The following PLXNA4 variants were observed in gnomAD, a reference collection of about 807,000 sequenced individuals.
The protein encoded by PLXNA4 is plexin A4.
A neutral mutation model predicts 191.8 loss-of-function variants in PLXNA4; 44 were observed. The observed-to-expected ratio is 0.23, with a 90% CI of 0.18 to 0.29. PLXNA4 has a LOEUF of 0.29. PLXNA4 is among the 10% of genes least tolerant of loss of function. The pLI, the probability that PLXNA4 is intolerant of heterozygous loss-of-function variation, is 1.00. For synonymous variants in PLXNA4, 1,082 were observed against 1,009.5 expected (o/e 1.07, Z -1.36); for missense variants, 1,800 against 2,488.8 (o/e 0.72, Z 5.89).
chr7:132,368,580 G>A (rs965605778), intron 3 of PLXNA4, among the ~76,000 whole-genome samples: 6 of 152,164 alleles, frequency 3.9e-5, no homozygotes, highest in Non-Finnish European at 8.8e-5. Context: ...GTCTAGAGTG[G>A]GGCCCTCAGC....
chr7:132,249,713 G>C (rs888151190), intron 4 of PLXNA4, among the ~76,000 whole-genome samples: 2 of 152,226 alleles, frequency 1.3e-5, no homozygotes, highest in Non-Finnish European at 2.9e-5. Context: ...TTGGGGGCTG[G>C]AGCCTGCCCT....
At position 132,507,907 on chromosome 7, in the gene PLXNA4, T is replaced by A; in HGVS notation, c.787A>T (p.Met263Leu). 1 of 1,614,130 alleles carries A rather than the reference T, an allele frequency of 6.2e-7. No individual in the cohort carries two copies. The change falls in exon 2 of 32, where the codon ATG becomes TTG. Residue 263 changes from methionine to leucine, a missense_variant. By Grantham distance (15) the Met-to-Leu change is conservative. Transcript: ENST00000321063. ...GTGGTGGAGCCTGGTGGAGACACCA[T>A]CTCAGGTTGGAGGGTCAAAAAGTAG... is the stretch of plus-strand genomic sequence containing the variant. ...FVYFLTLQPEMVSPPGSTTKE... is the reference protein window; with the variant it reads ...FVYFLTLQPELVSPPGSTTKE...
intron 30 of PLXNA4, among the ~76,000 whole-genome samples, chr7:132,139,538 T>C (rs989354160): frequency 5.9e-5 from 9 of 152,246 alleles, no homozygotes; most frequent in Admixed American, 5.9e-4. Flanking sequence ...GGTTATTCAC[T>C]GCACAAAGGT....
intron 1 of PLXNA4, among the ~76,000 whole-genome samples, chr7:132,533,006 T>C (rs1185033138): frequency 1.3e-5 from 2 of 152,380 alleles, no homozygotes; most frequent in African/African-American, 2.4e-5. Context: ...TCAGTGGAAC[T>C]GGTTGCCACC....
rs1805038888 is a variant in PLXNA4 at position 132,384,609 on chromosome 7, T to C, written c.1372-86387A>G. 4.0e-6 allele frequency: 4 copies of C among 990,722 alleles called. No individual in the cohort carries two copies. The African/African-American group carries it at 7.0e-5, about 17-fold the overall frequency. The allele number at this position is 990,722 out of a possible 1,614,324, so 61.4% of individuals were successfully genotyped here. A position where few individuals can be genotyped will look rare whatever the true frequency, so the allele number is the denominator to read the frequency against. ...CACATATGATCAGCTCATCAGGCAC[T>C]GTTGGCTTCCTTTTCTCTTTCCCGC... On this transcript the variant is annotated intron_variant, in intron 3 of 31. Transcript: ENST00000321063.
chr7:132,326,940 AGG>A (rs1040583384), intron 3 of PLXNA4, among the ~76,000 whole-genome samples: 1 of 145,766 alleles, frequency 6.9e-6, no homozygotes, highest in African/African-American at 2.5e-5. Flanking sequence ...GAGGGAAGAA[AGG>A]GAGAGAGGGA....
chr7:132,611,300 T>C (rs1427963894), intron 2 of PLXNA4, among the ~76,000 whole-genome samples: 13 of 152,238 alleles, frequency 8.5e-5, no homozygotes, highest in Non-Finnish European at 8.8e-5. Context: ...GCATTACTTA[T>C]CTTTCCCTAA....
At chr7:132,464,373 G>A (rs1215229760) in intron 3 of PLXNA4, among the ~76,000 whole-genome samples, 1 of 152,112 alleles carries the variant, frequency 6.6e-6, no homozygotes, top group African/African-American at 2.4e-5. Flanking sequence ...CTGTGGCATG[G>A]CGAGATGCCG....
At chr7:132,303,440 G>C (rs1426099463) in intron 3 of PLXNA4, among the ~76,000 whole-genome samples, 1 of 151,550 alleles carries the variant, frequency 6.6e-6, no homozygotes, top group Non-Finnish European at 1.5e-5. Flanking sequence ...GTGGCGGTGG[G>C]CGCCTGTAGT....
chr7:132,412,600 T>C (rs1794504155), intron 3 of PLXNA4, among the ~76,000 whole-genome samples: 1 of 152,194 alleles, frequency 6.6e-6, no homozygotes, highest in Non-Finnish European at 1.5e-5. Context: ...AGATCTTCCT[T>C]GGAGGCGATT....
intron 29 of PLXNA4, among the ~76,000 whole-genome samples, chr7:132,143,110 G>T (rs577668177): frequency 2.0e-3 from 310 of 152,198 alleles, no homozygotes; most frequent in African/African-American, 7.3e-3. Flanking sequence ...GAAGAAGGGG[G>T]TGGGGAGAGG....
intron 16 of PLXNA4, among the ~76,000 whole-genome samples, chr7:132,185,042 G>C (rs1796830728): frequency 6.6e-6 from 1 of 152,254 alleles, no homozygotes; most frequent in Non-Finnish European, 1.5e-5. Context: ...CTCCAGCACA[G>C]TGCCTGTCCT....
chr7:132,304,709 T>C (rs1279911756), intron 3 of PLXNA4, among the ~76,000 whole-genome samples: 1 of 147,786 alleles, frequency 6.8e-6, no homozygotes, highest in Non-Finnish European at 1.5e-5. Flanking sequence ...CAAGTGACCT[T>C]GCTAATAATT....
intron 3 of PLXNA4, among the ~76,000 whole-genome samples, chr7:132,340,650 T>C (rs1802992870): frequency 1.3e-5 from 2 of 152,134 alleles, no homozygotes; most frequent in South Asian, 4.1e-4. Context: ...TTGGAAACAA[T>C]AAAGAACCTC....
At chr7:132,175,796 T>C (rs1002069433) in intron 20 of PLXNA4, among the ~76,000 whole-genome samples, 3 of 152,226 alleles carry the variant, frequency 2.0e-5, no homozygotes, top group Admixed American at 1.3e-4. Context: ...CTTTGGTGTG[T>C]GCACACACAC....
chr7:132,427,917 G>T (rs2117179030), intron 3 of PLXNA4, among the ~76,000 whole-genome samples: 1 of 152,348 alleles, frequency 6.6e-6, no homozygotes, highest in South Asian at 2.1e-4. Flanking sequence ...GTGCGGACAT[G>T]CAGGGAGAAC....
chr7:132,609,515 C>T (rs1269076228), intron 2 of PLXNA4, among the ~76,000 whole-genome samples: 3 of 152,274 alleles, frequency 2.0e-5, no homozygotes, highest in Middle Eastern at 3.4e-3. Flanking sequence ...TTGTGGCTAT[C>T]GTCATATGTA....
chr7:132,576,323 C>T lies in PLXNA4; in HGVS notation c.-87+99G>A, dbSNP rs1802234123. The T allele has an allele frequency of 2.2e-6, 2 of 916,268 alleles. No individual in the cohort carries two copies. Among genetic ancestry groups the T allele is most frequent in the Non-Finnish European group, 2.6e-6 (2 of 767,148 alleles). 56.8% of individuals were successfully genotyped at this position (916,268 alleles called of 1,614,324 possible). A position where few individuals can be genotyped will look rare whatever the true frequency, so the allele number is the denominator to read the frequency against. On this transcript the variant is annotated intron_variant, in intron 1 of 31. Coordinates refer to ENST00000321063, the MANE Select transcript of PLXNA4 (RefSeq NM_020911.2). This position sits in a 1 kb window ranked among gnomAD's most constrained non-coding sequence, Gnocchi z 5.8. ...TGCGTGTGCGTGTGCCGCGGGCTGG[C>T]TCCGGGACACTGAGGACTCCCGGGT...
At chr7:132,544,387 C>T (rs992420223) in intron 1 of PLXNA4, among the ~76,000 whole-genome samples, 1 of 152,220 alleles carries the variant, frequency 6.6e-6, no homozygotes, top group Non-Finnish European at 1.5e-5. Flanking sequence ...ATTAGAGATT[C>T]TCTAAGTGAA....
Sources: allele counts gnomAD v4.1 joint callset (sites outside exome capture counted in the v4.1 genomes callset), GRCh38; gene constraint gnomAD v4.1.1; non-coding constraint Gnocchi (gnomAD v3.1); transcripts MANE v1.5; gene names NCBI Gene and HGNC (gene_info 2026-07-23, HGNC 2026-07-21).